The following RNF13 variants were observed in gnomAD, a reference collection of about 807,000 sequenced individuals.
RNF13 encodes the protein ring finger protein 13.
Under a neutral mutation model 37.7 loss-of-function variants are expected in RNF13, and 19 were observed. That is an observed-to-expected ratio of 0.50 (90% confidence interval 0.35 to 0.74). The LOEUF (loss-of-function observed/expected upper bound fraction) is 0.74. RNF13 is among the 30% of genes least tolerant of loss of function. The probability of loss-of-function intolerance (pLI) is 0.01; values close to 1 mark genes in which losing one functional copy is unlikely to be tolerated. For synonymous variants in RNF13, 144 were observed against 157.8 expected, an observed-to-expected ratio of 0.91 and a Z score of 0.65; for missense variants, 375 against 453.0, an observed-to-expected ratio of 0.83 and a Z score of 1.56.
chr3:149,881,407 T>C (rs996328770), intron 4 of RNF13, among the ~76,000 whole-genome samples: 1 of 152,196 alleles, frequency 6.6e-6, no homozygotes, highest in Non-Finnish European at 1.5e-5. Context: ...CGCAGCTCAC[T>C]GCAACCTCCA....
chr3:149,845,275 G>A (rs533822284), intron 1 of RNF13, among the ~76,000 whole-genome samples: 21 of 152,128 alleles, frequency 1.4e-4, no homozygotes, highest in Middle Eastern at 3.4e-3. Flanking sequence ...TGTAATGTTC[G>A]TTCTCACTTG....
chr3:149,883,658 G>A (rs1162289891), intron 4 of RNF13, among the ~76,000 whole-genome samples: 1 of 150,580 alleles, frequency 6.6e-6, no homozygotes, highest in African/African-American at 2.4e-5. Flanking sequence ...ATGGTTATGG[G>A]TCACATTTTC....
intron 4 of RNF13, among the ~76,000 whole-genome samples, chr3:149,889,929 C>G (rs1714518524): frequency 6.6e-6 from 1 of 152,176 alleles, no homozygotes; most frequent in South Asian, 2.1e-4. Context: ...CCCGCCTCAG[C>G]CTCCCAGAGT....
At chr3:149,860,496 G>A (rs538574947) in intron 3 of RNF13, among the ~76,000 whole-genome samples, 2 of 151,666 alleles carry the variant, frequency 1.3e-5, no homozygotes, top group East Asian at 1.9e-4. Flanking sequence ...TATTGACAAA[G>A]GTGCCAAGAA....
intron 1 of RNF13, among the ~76,000 whole-genome samples, chr3:149,831,621 G>A (rs1279570955): frequency 6.6e-6 from 1 of 152,142 alleles, no homozygotes; most frequent in Non-Finnish European, 1.5e-5. Context: ...GACTTACCTT[G>A]TTTCAGATGA....
intron 1 of RNF13, among the ~76,000 whole-genome samples, chr3:149,840,781 G>A (rs1207537294): frequency 3.3e-5 from 5 of 152,178 alleles, no homozygotes; most frequent in Non-Finnish European, 4.4e-5. Context: ...CACTAGCTTG[G>A]TAGGAGGTAG....
At chr3:149,819,382 T>A (rs1404837441) in intron 1 of RNF13, among the ~76,000 whole-genome samples, 2 of 152,206 alleles carry the variant, frequency 1.3e-5, no homozygotes, top group Non-Finnish European at 2.9e-5. Context: ...CCCATTGCCA[T>A]TATGTAAAGG....
At chr3:149,926,989 A>AT (rs1201068120) in intron 8 of RNF13, among the ~76,000 whole-genome samples, 1 of 152,162 alleles carries the variant, frequency 6.6e-6, no homozygotes, top group Non-Finnish European at 1.5e-5. Context: ...AAGTGATTGT[A>AT]TTTTTTATTG....
At chr3:149,844,263 A>T (rs2108370679) in intron 1 of RNF13, among the ~76,000 whole-genome samples, 1 of 152,354 alleles carries the variant, frequency 6.6e-6, no homozygotes, top group East Asian at 1.9e-4. Context: ...CAGCAAAAGG[A>T]TACAAAACAA....
intron 3 of RNF13, among the ~76,000 whole-genome samples, chr3:149,868,605 C>A (rs1237908022): frequency 1.3e-5 from 2 of 150,850 alleles, no homozygotes; most frequent in East Asian, 3.9e-4. Context: ...AACCCTTCTC[C>A]TTCCCTCTCC....
chr3:149,960,283 G>A, intron 9 of RNF13, 147 bp downstream of exon 9: 1 of 597,764 alleles, frequency 1.7e-6, no homozygotes, highest in Non-Finnish European at 2.9e-6. Flanking sequence ...GGATGGAGGT[G>A]TATTTATAAA....
intron 3 of RNF13, among the ~76,000 whole-genome samples, chr3:149,867,042 A>G (rs1209070479): frequency 6.6e-6 from 1 of 152,000 alleles, no homozygotes; most frequent in African/African-American, 2.4e-5. Flanking sequence ...CTTTTCGGTT[A>G]TTGATTCTTT....
Position 149,895,510 on chromosome 3 carries a change from T to G in RNF13, c.359T>G (p.Ile120Arg), listed in dbSNP as rs1715159324. 6.2e-7 allele frequency: 1 copy of G among 1,607,178 alleles called. No individual in the cohort carries two copies. The highest frequency in any genetic ancestry group is 8.5e-7 in the Non-Finnish European group (1 of 1,175,402). Residue 120 changes from isoleucine (I) to arginine (R), a missense_variant, in exon 5 of 10, where the codon ATA (isoleucine) becomes AGA (arginine). Ile to Arg is a moderately conservative substitution (Grantham distance 97, BLOSUM62 -3). Coordinates refer to ENST00000392894, the MANE Select transcript of RNF13 (RefSeq NM_183381.3). ...NAQRAGYKAA[I>R]VHNVDSDDLI... The stretch of plus-strand genomic sequence containing the variant: ...CAGAGAGCAGGATACAAGGCAGCCA[T>G]AGTTCACAATGTTGATTCTGATGAC...
chr3:149,835,519 G>A (rs530732845), intron 1 of RNF13, among the ~76,000 whole-genome samples: 35 of 152,010 alleles, frequency 2.3e-4, no homozygotes, highest in African/African-American at 7.0e-4. Flanking sequence ...GAGAACATAC[G>A]ATGTTTGGTT....
At chr3:149,957,872 A>G (rs113606145) in intron 8 of RNF13, among the ~76,000 whole-genome samples, 6 of 152,328 alleles carry the variant, frequency 3.9e-5, no homozygotes, top group African/African-American at 1.4e-4. Context: ...TGGGAACCTC[A>G]GGCATTCTAA....
At chr3:149,949,008 A>T (rs988415949) in intron 8 of RNF13, among the ~76,000 whole-genome samples, 3 of 152,098 alleles carry the variant, frequency 2.0e-5, no homozygotes, top group African/African-American at 7.2e-5. Context: ...AGCCTGGGTG[A>T]CAGAGCCAGA....
Position 149,872,015 on chromosome 3 carries a change from C to T in RNF13, c.196-14C>T, listed in dbSNP as rs1712127902. On this transcript the variant is annotated splice_polypyrimidine_tract_variant and intron_variant, in intron 3 of 9. Coordinates refer to ENST00000392894, the MANE Select transcript of RNF13 (RefSeq NM_183381.3). ...AGTGAAACAGAGAGATAATTTTTACCAATTCTTTTTCAGGGTTTTTTGATT... is the reference window on the plus strand; with the variant it reads ...AGTGAAACAGAGAGATAATTTTTACTAATTCTTTTTCAGGGTTTTTTGATT... 1 of 1,572,900 alleles carries T rather than the reference C, an allele frequency of 6.4e-7. No individual in the cohort carries two copies. Among genetic ancestry groups the T allele is most frequent in the Middle Eastern group, 2.0e-4 (1 of 4,908 alleles).
chr3:149,941,477 A>G (rs758363819), intron 8 of RNF13, among the ~76,000 whole-genome samples: 5 of 149,262 alleles, frequency 3.3e-5, no homozygotes, highest in Non-Finnish European at 7.4e-5. Context: ...GGCTATTCGT[A>G]TATCTTCTTT....
chr3:149,934,893 C>T (rs1330427796), intron 8 of RNF13, among the ~76,000 whole-genome samples: 1 of 152,176 alleles, frequency 6.6e-6, no homozygotes, highest in Non-Finnish European at 1.5e-5. Context: ...GCTGGGATTA[C>T]AGGCATGAGC....
Sources: allele counts gnomAD v4.1 joint callset (sites outside exome capture counted in the v4.1 genomes callset), GRCh38; gene constraint gnomAD v4.1.1; transcripts MANE v1.5; gene names NCBI Gene and HGNC (gene_info 2026-07-23, HGNC 2026-07-21).